Variants in CHD9 observed in about 807,000 individuals in gnomAD.
CHD9 encodes the protein chromodomain helicase DNA binding protein 9.
A neutral mutation model predicts 316.1 loss-of-function variants in CHD9; 77 were observed. The observed-to-expected ratio is 0.24, with a 90% CI of 0.20 to 0.29. The LOEUF (loss-of-function observed/expected upper bound fraction) is 0.29. CHD9 is among the 10% of genes least tolerant of loss of function. The pLI is 1.00. For synonymous variants in CHD9, 1,129 were observed against 1,158.3 expected, an observed-to-expected ratio of 0.97 and a Z score of 0.51; for missense variants, 2,763 against 3,438.1, an observed-to-expected ratio of 0.80 and a Z score of 4.91.
intron 1 of CHD9, among the ~76,000 whole-genome samples, chr16:53,096,281 ACGT>A (rs919491257): frequency 2.0e-5 from 3 of 152,080 alleles, no homozygotes; most frequent in Admixed American, 6.6e-5. Flanking sequence ...AGTTAGGACC[ACGT>A]CACTGTCTTA....
chr16:53,160,008 C>T (rs996178997), intron 2 of CHD9, among the ~76,000 whole-genome samples: 5 of 152,152 alleles, frequency 3.3e-5, no homozygotes, highest in African/African-American at 9.7e-5. Context: ...ATAAACCCTC[C>T]ATGTCCCCCT....
At chr16:53,266,153 G>C (rs8063439) in intron 20 of CHD9, among the ~76,000 whole-genome samples, 2,400 of 151,444 alleles carry the variant, frequency 0.016, 32 homozygotes, top group South Asian at 0.05. Context: ...AAATTAGTGG[G>C]TAAAAGTTTA....
chr16:53,118,366 G>A lies in CHD9; in HGVS notation c.-164-37560G>A, dbSNP rs186753458. Among the ~76,000 whole-genome samples, 479 of 151,962 alleles carry A rather than the reference G, an allele frequency of 3.2e-3. 1 individual carries two copies. The highest frequency in any genetic ancestry group is 5.6e-3 in the Non-Finnish European group (384 of 67,974). On this transcript the variant is annotated intron_variant, in intron 1 of 38. Coordinates refer to ENST00000447540, the MANE Select transcript of CHD9 (RefSeq NM_001308319.2). ...TGGGAGGCGGAGGTTGCAGTGAGCC[G>A]AGATCACACCGCTGCACTCCAGCCT... is the stretch of plus-strand genomic sequence containing the variant.
At chr16:53,100,596 C>G (rs2036784459) in intron 1 of CHD9, among the ~76,000 whole-genome samples, 1 of 152,034 alleles carries the variant, frequency 6.6e-6, no homozygotes, top group African/African-American at 2.4e-5. Context: ...GTAGTTGGGA[C>G]TACAGGCATG....
chr16:53,279,454 T>A (rs2053199016), intron 24 of CHD9, among the ~76,000 whole-genome samples: 1 of 152,162 alleles, frequency 6.6e-6, no homozygotes, highest in African/African-American at 2.4e-5. Flanking sequence ...GGCACATGTA[T>A]ACATATGTAA....
rs796595719 is a variant in CHD9, at chr16:53,322,592, C to CA, written c.7818+976dup. Among the ~76,000 whole-genome samples the CA allele has an allele frequency of 6.3e-3, 713 of 113,640 alleles. 3 individuals are homozygous for CA. The highest frequency in any genetic ancestry group is 0.017 in the South Asian group (63 of 3,642). 74.6% of individuals were successfully genotyped at this position (113,640 alleles called of 152,430 possible). On this transcript the variant is annotated intron_variant, in intron 38 of 38. Transcript: ENST00000447540. ...GGGCAACAGAGGCAAGACTCCATCT[C>CA]AAAAAAAAAAAAAACATATCTTAGA...
chr16:53,245,527 G>T lies in CHD9; in HGVS notation c.3198+48G>T. 1 of 1,539,768 alleles carries T rather than the reference G, an allele frequency of 6.5e-7. No individual in the cohort carries two copies. The highest frequency in any genetic ancestry group is 8.7e-7 in the Non-Finnish European group (1 of 1,146,840). ...TACATTCATCGCATTTCTAATCATT[G>T]TAATTATTTTGTATGTGTAATTAAA... On this transcript the variant is annotated intron_variant, in intron 14 of 38. Coordinates refer to ENST00000447540, the MANE Select transcript of CHD9 (RefSeq NM_001308319.2). The surrounding 1 kb of genome is among the most constrained non-coding windows in gnomAD (Gnocchi z 4.1).
At chr16:53,141,739 A>G (rs963405697) in intron 1 of CHD9, among the ~76,000 whole-genome samples, 8 of 152,170 alleles carry the variant, frequency 5.3e-5, no homozygotes, top group African/African-American at 1.9e-4. Context: ...GGGATAAAGT[A>G]GTGTGTAAAA....
At chr16:53,271,922 G>A (rs966405070) in intron 22 of CHD9, among the ~76,000 whole-genome samples, 13 of 152,024 alleles carry the variant, frequency 8.6e-5, no homozygotes, top group African/African-American at 3.1e-4. Context: ...CAACAAGGGT[G>A]GAGAAGATTG....
intron 1 of CHD9, among the ~76,000 whole-genome samples, chr16:53,107,556 GCCTGTAGTT>G (rs2037469641): frequency 6.6e-6 from 1 of 151,498 alleles, no homozygotes; most frequent in South Asian, 2.1e-4. Context: ...GGTGGCACAT[GCCTGTAGTT>G]CCAGTTACTT....
intron 2 of CHD9, among the ~76,000 whole-genome samples, chr16:53,204,058 T>TATATAC (rs773266940): frequency 0.018 from 1,141 of 62,890 alleles, 16 homozygotes; most frequent in South Asian, 0.059. Flanking sequence ...AATATATATA[T>TATATAC]ACACACACAC....
chr16:53,208,850 GT>G, intron 2 of CHD9: 1 of 489,108 alleles, frequency 2.0e-6, no homozygotes, highest in Non-Finnish European at 2.7e-6. Context: ...TGTAAAACTT[GT>G]TTATTTCCCA....
At chr16:53,220,052 A>T (rs2047106673) in intron 3 of CHD9, among the ~76,000 whole-genome samples, 1 of 152,158 alleles carries the variant, frequency 6.6e-6, no homozygotes, top group Non-Finnish European at 1.5e-5. Flanking sequence ...CTCAAGGGAG[A>T]TTTTTATTTT....
intron 32 of CHD9, among the ~76,000 whole-genome samples, chr16:53,306,991 G>A (rs1341749810): frequency 2.0e-5 from 3 of 152,050 alleles, no homozygotes; most frequent in African/African-American, 7.2e-5. Flanking sequence ...TGTCGGCCAG[G>A]ATGGTCTCGA....
chr16:53,201,742 C>A (rs904180166), intron 2 of CHD9, among the ~76,000 whole-genome samples: 1 of 152,096 alleles, frequency 6.6e-6, no homozygotes, highest in Non-Finnish European at 1.5e-5. Flanking sequence ...TATAGCCACC[C>A]CCTCCATGGA....
chr16:53,114,564 AT>A (rs998604254), intron 1 of CHD9, among the ~76,000 whole-genome samples: 3 of 148,692 alleles, frequency 2.0e-5, no homozygotes, highest in African/African-American at 7.4e-5. Flanking sequence ...GGCCAGCATT[AT>A]TTTTTATTAT....
chr16:53,304,551 C>T lies in CHD9; in HGVS notation c.6545C>T (p.Thr2182Ile), dbSNP rs1411847029. Residue 2182 changes from threonine (T) to isoleucine (I), a missense_variant, in exon 31 of 39, where the codon ACC (threonine) becomes ATC (isoleucine). Transcript: ENST00000447540. ...GCATCTTCTTCATCCTCTTCCTCCA[C>T]CTCTTCCTCCTCCTCCTCCTCTTCA... Reference protein sequence around the residue: ...SSASSSSSSSTSSSSSSSSSS... With the variant: ...SSASSSSSSSISSSSSSSSSS... 6.5e-7 allele frequency: 1 copy of T among 1,546,372 alleles called. No homozygotes were observed. Among genetic ancestry groups the T allele is most frequent in the Admixed American group, 2.0e-5 (1 of 50,994 alleles).
At chr16:53,147,879 A>G (rs1424118900) in intron 1 of CHD9, among the ~76,000 whole-genome samples, 1 of 152,200 alleles carries the variant, frequency 6.6e-6, no homozygotes, top group South Asian at 2.1e-4. Context: ...GCTGGGTCAT[A>G]AGGTAATTCT....
Position 53,156,013 on chromosome 16 carries a change from C to G in CHD9, c.-77C>G, listed in dbSNP as rs1462842307. The G allele has an allele frequency of 3.7e-6, 5 of 1,359,178 alleles. No homozygotes were observed. Among genetic ancestry groups the G allele is most frequent in the Non-Finnish European group, 5.0e-6 (5 of 1,001,546 alleles). 84.2% of individuals were successfully genotyped at this position (1,359,178 alleles called of 1,614,324 possible). ...TTAGTTGATGACCTTCGGAAATGAT[C>G]CAATAATATCTACTATAGAGAAGCT... On this transcript the variant is annotated 5_prime_UTR_variant, in exon 2 of 39. It adds an upstream start codon to the 5' untranslated region. Transcript: ENST00000447540.
Sources: gnomAD v4.1 joint callset for allele counts (sites outside exome capture counted in the v4.1 genomes callset) on GRCh38, gnomAD v4.1.1 for gene constraint, Gnocchi (gnomAD v3.1) non-coding constraint, MANE v1.5 for transcripts, NCBI Gene and HGNC (gene_info 2026-07-23, HGNC 2026-07-21) for gene names.